ERC1: variants seen among roughly 807,000 people sequenced by gnomAD.
ERC1 encodes RAB6 interacting protein 2.
ERC1 carries 56 observed loss-of-function variants against 132.0 expected under a neutral mutation model. The ratio of observed to expected loss-of-function variants is 0.42; its 90% CI spans 0.34 to 0.53. The LOEUF (loss-of-function observed/expected upper bound fraction) is 0.53, where lower values mean the gene tolerates loss of function less well. ERC1 is among the 20% of genes least tolerant of loss of function. The pLI is 0.03. For synonymous variants in ERC1, 478 were observed against 476.1 expected (o/e 1.00, Z -0.05); for missense variants, 1,202 against 1,349.9 (o/e 0.89, Z 1.72).
chr12:1,279,625 CAGA>C (rs959997759), intron 14 of ERC1, among the ~76,000 whole-genome samples: 13 of 150,476 alleles, frequency 8.6e-5, no homozygotes, highest in African/African-American at 2.7e-4. Context: ...AAATGACTGC[CAGA>C]AGTCTATGGA....
chr12:1,487,853 A>G (rs1477972632), intron 18 of ERC1, among the ~76,000 whole-genome samples: 1 of 151,510 alleles, frequency 6.6e-6, no homozygotes, highest in Non-Finnish European at 1.5e-5. Flanking sequence ...GAAAGAGAGA[A>G]AAAGGCCAGG....
At chr12:1,162,442 CT>C (rs1258583026) in intron 8 of ERC1, among the ~76,000 whole-genome samples, 2 of 149,892 alleles carry the variant, frequency 1.3e-5, no homozygotes, top group East Asian at 3.9e-4. Flanking sequence ...GCTTCTGTAA[CT>C]TCTGTTTATT....
intron 16 of ERC1, chr12:1,390,648 T>A (rs1426106608): frequency 2.0e-5 from 3 of 152,014 alleles, no homozygotes; most frequent in African/African-American, 7.3e-5. Context: ...GGAGGTGGGG[T>A]TAGTTTAGTC....
chr12:1,005,349 C>G (rs1158477155), intron 1 of ERC1, among the ~76,000 whole-genome samples: 12 of 151,758 alleles, frequency 7.9e-5, no homozygotes, highest in Non-Finnish European at 1.5e-4. Context: ...TGCCATGTTG[C>G]CCAGGCTGGT....
intron 7 of ERC1, among the ~76,000 whole-genome samples, chr12:1,134,728 C>CTTT (rs201981125): frequency 2.9e-5 from 4 of 136,072 alleles, no homozygotes; most frequent in Non-Finnish European, 6.3e-5. Flanking sequence ...TCCTCAGTAA[C>CTTT]TTTTTTTTTT....
intron 16 of ERC1, among the ~76,000 whole-genome samples, chr12:1,401,545 C>G (rs1014515575): frequency 6.6e-6 from 1 of 152,092 alleles, no homozygotes; most frequent in Admixed American, 6.5e-5. Flanking sequence ...TATTAGAGCT[C>G]TAGCCCTGTG....
chr12:1,278,965 A>T (rs1457096346), intron 14 of ERC1, among the ~76,000 whole-genome samples: 1 of 152,182 alleles, frequency 6.6e-6, no homozygotes, highest in Non-Finnish European at 1.5e-5. Context: ...CAGTAAAAAA[A>T]AAGTGGAGAT....
chr12:1,218,812 C>G (rs1462924089), intron 12 of ERC1, among the ~76,000 whole-genome samples: 1 of 147,768 alleles, frequency 6.8e-6, no homozygotes, highest in Non-Finnish European at 1.5e-5. Flanking sequence ...ACTCTCAGTC[C>G]TATTCTCATA....
intron 15 of ERC1, among the ~76,000 whole-genome samples, chr12:1,340,002 T>C (rs2083678407): frequency 6.6e-6 from 1 of 152,144 alleles, no homozygotes; most frequent in Non-Finnish European, 1.5e-5. Context: ...CAAAGAGATG[T>C]GGAGGCTTGC....
chr12:1,165,271 T>C (rs889761276), intron 8 of ERC1, among the ~76,000 whole-genome samples: 1 of 152,012 alleles, frequency 6.6e-6, no homozygotes, highest in African/African-American at 2.4e-5. Flanking sequence ...TTTTAGAAGA[T>C]AGAGGTGTGT....
chr12:1,296,146 G>A (rs560824654), intron 15 of ERC1, among the ~76,000 whole-genome samples: 2 of 152,068 alleles, frequency 1.3e-5, no homozygotes, highest in East Asian at 1.9e-4. Flanking sequence ...TTGACATAGT[G>A]AGAACCTGTC....
In ERC1 at chr12:1,490,514, G is replaced by A. The variant is rs2094307908; in HGVS notation, c.*284G>A. 5.3e-6 allele frequency: 2 copies of A among 374,646 alleles called. No individual in the cohort carries two copies. Among genetic ancestry groups the A allele is most frequent in the Non-Finnish European group, 9.9e-6 (2 of 202,450 alleles). The allele number at this position is 374,646 out of a possible 1,614,324, so 23.2% of individuals were successfully genotyped here. A position where few individuals can be genotyped will look rare whatever the true frequency, so the allele number is the denominator to read the frequency against. On this transcript the variant is annotated 3_prime_UTR_variant, in exon 19 of 19. Coordinates refer to ENST00000360905, the MANE Select transcript of ERC1 (RefSeq NM_178040.4). ...CTGGTCATCAGCAGTGGAGAACTGT[G>A]GGAGCTGGTGGCTCTGCCCTGACAG... is the stretch of plus-strand genomic sequence containing the variant.
At chr12:1,143,029 G>T (rs1949994633) in intron 8 of ERC1, among the ~76,000 whole-genome samples, 2 of 151,998 alleles carry the variant, frequency 1.3e-5, no homozygotes, top group South Asian at 4.2e-4. Flanking sequence ...CTCCCAAGTA[G>T]CTGGGACTAC....
At chr12:1,343,913 C>T (rs1280316750) in intron 15 of ERC1, among the ~76,000 whole-genome samples, 1 of 152,072 alleles carries the variant, frequency 6.6e-6, no homozygotes, top group African/African-American at 2.4e-5. Flanking sequence ...GCGATCTCCG[C>T]TCACTGTAAG....
At chr12:1,233,803 A>G (rs567551920) in intron 12 of ERC1, among the ~76,000 whole-genome samples, 15 of 152,296 alleles carry the variant, frequency 9.8e-5, no homozygotes, top group African/African-American at 3.6e-4. Context: ...TCTCTAGATT[A>G]GTAGGGATTT....
At chr12:1,228,997 C>G (rs903779869) in intron 12 of ERC1, among the ~76,000 whole-genome samples, 3 of 152,050 alleles carry the variant, frequency 2.0e-5, no homozygotes, top group Non-Finnish European at 2.9e-5. Flanking sequence ...CTTATCTGGC[C>G]TTGGTATAAG....
chr12:1,493,489 A>ATCG lies in ERC1; in HGVS notation c.*3261_*3263dup, dbSNP rs2094334016. On this transcript the variant is annotated 3_prime_UTR_variant, in exon 19 of 19. Coordinates refer to ENST00000360905, the MANE Select transcript of ERC1 (RefSeq NM_178040.4). ...GAGGCAGAGGCTGCGGTGAGCCGAG[A>ATCG]TCGTGTCACTGCACTCCAGCCTGGG... 6.9e-6 allele frequency: 1 copy of ATCG among 145,390 alleles called. No homozygotes were observed. Among genetic ancestry groups the ATCG allele is most frequent in the Non-Finnish European group, 1.5e-5 (1 of 67,448 alleles). The allele number at this position is 145,390 out of a possible 1,614,324, so 9.0% of individuals were successfully genotyped here.
chr12:1,045,639 T>A (rs1331130289), intron 2 of ERC1, among the ~76,000 whole-genome samples: 1 of 152,146 alleles, frequency 6.6e-6, no homozygotes, highest in Non-Finnish European at 1.5e-5. Context: ...AGGTTTCACA[T>A]CTAGCAAGTG....
At chr12:1,336,090 T>C (rs1001801451) in intron 15 of ERC1, among the ~76,000 whole-genome samples, 4 of 152,226 alleles carry the variant, frequency 2.6e-5, no homozygotes, top group African/African-American at 9.6e-5. Context: ...TTTGTATTTC[T>C]GTGGGTTCGG....
Sources: gnomAD v4.1 joint callset for allele counts (sites outside exome capture counted in the v4.1 genomes callset) on GRCh38, gnomAD v4.1.1 for gene constraint, MANE v1.5 for transcripts, NCBI Gene and HGNC (gene_info 2026-07-23, HGNC 2026-07-21) for gene names.